Variants in PCDH11Y observed in about 807,000 individuals in gnomAD.
PCDH11Y encodes protocadherin-11 Y-linked.
For missense variants in PCDH11Y, 12 were observed against 224.8 expected, an observed-to-expected ratio of 0.05 and a Z score of 6.05; for synonymous variants, 9 against 83.6, an observed-to-expected ratio of 0.11 and a Z score of 4.87.
intron 2 of PCDH11Y, among the ~76,000 whole-genome samples, chrY:5,290,271 C>T (rs2124661826): frequency 3.1e-5 from 1 of 32,343 alleles, no homozygotes; most frequent in Admixed American, 2.8e-4. Flanking sequence ...CTATTCAAAT[C>T]TTTTGCCCAT....
exon 5 of PCDH11Y, chrY:5,737,821 C>T: frequency 2.5e-6 from 1 of 397,462 alleles, no homozygotes; most frequent in Non-Finnish European, 3.5e-6. Context: ...TACACCATGT[C>T]TGAAAGACTT....
At chrY:5,509,134 G>A in intron 3 of PCDH11Y, among the ~76,000 whole-genome samples, 2 of 32,137 alleles carry the variant, frequency 6.2e-5, no homozygotes, top group Middle Eastern at 0.014. Flanking sequence ...AGCTACTTTT[G>A]AAATTTAAAT....
At chrY:5,123,779 C>T in intron 2 of PCDH11Y, among the ~76,000 whole-genome samples, 1 of 32,853 alleles carries the variant, frequency 3.0e-5, no homozygotes, top group Non-Finnish European at 7.5e-5. Flanking sequence ...ATTATAAACA[C>T]TTCATTCCAT....
chrY:5,374,445 GTA>G (rs1194776144), intron 2 of PCDH11Y, among the ~76,000 whole-genome samples: 1,683 of 27,255 alleles, frequency 0.062, no homozygotes, highest in East Asian at 0.049. Context: ...ATATATGTGT[GTA>G]TATATATATA....
At chrY:5,224,707 G>A in intron 2 of PCDH11Y, among the ~76,000 whole-genome samples, 1 of 32,662 alleles carries the variant, frequency 3.1e-5, no homozygotes, top group Non-Finnish European at 7.5e-5. Context: ...AGTAATTAAT[G>A]AATGTTATTA....
intron 2 of PCDH11Y, among the ~76,000 whole-genome samples, chrY:5,384,594 T>TA (rs1446435526): frequency 9.0e-5 from 2 of 22,163 alleles, no homozygotes; most frequent in East Asian, 1.0e-3. Context: ...TCATTGGGAT[T>TA]AAAAAAAAAA....
At chrY:5,142,211 A>T in intron 2 of PCDH11Y, among the ~76,000 whole-genome samples, 3 of 30,930 alleles carry the variant, frequency 9.7e-5, no homozygotes, top group Admixed American at 3.0e-4. Flanking sequence ...CCACTATGAG[A>T]TATCATCTCA....
intron 2 of PCDH11Y, among the ~76,000 whole-genome samples, chrY:5,215,075 A>G: frequency 6.1e-5 from 2 of 32,719 alleles, no homozygotes; most frequent in East Asian, 1.6e-3. Context: ...TCATGGTAGG[A>G]TGAGTGATTT....
chrY:5,460,307 T>C, intron 2 of PCDH11Y, among the ~76,000 whole-genome samples: 5 of 32,819 alleles, frequency 1.5e-4, no homozygotes, highest in African/African-American at 5.9e-4. Context: ...TTCCTTGACA[T>C]TTTGAAGTAG....
intron 4 of PCDH11Y, among the ~76,000 whole-genome samples, chrY:5,588,888 G>T (rs2053458251): frequency 3.1e-5 from 1 of 32,467 alleles, no homozygotes; most frequent in African/African-American, 1.2e-4. Flanking sequence ...TATTTCACTA[G>T]GTATTGGAAG....
chrY:5,412,566 G>T, intron 2 of PCDH11Y, among the ~76,000 whole-genome samples: 1 of 33,414 alleles, frequency 3.0e-5, no homozygotes, highest in Non-Finnish European at 7.4e-5. Flanking sequence ...GTTGGCTGCG[G>T]ATATGTCATA....
intron 1 of PCDH11Y, among the ~76,000 whole-genome samples, chrY:5,068,501 A>G: frequency 3.2e-5 from 1 of 31,003 alleles, no homozygotes; most frequent in Non-Finnish European, 7.8e-5. Flanking sequence ...GTGTACAAAG[A>G]TTCATTTTGT....
intron 2 of PCDH11Y, among the ~76,000 whole-genome samples, chrY:5,407,774 GC>G (rs2053240974): frequency 3.2e-5 from 1 of 31,317 alleles, no homozygotes; most frequent in Non-Finnish European, 7.8e-5. Flanking sequence ...AAATTAGCTG[GC>G]GTGGTGGCGG....
intron 4 of PCDH11Y, among the ~76,000 whole-genome samples, chrY:5,734,446 G>T (rs2124715573): frequency 3.0e-5 from 1 of 33,296 alleles, no homozygotes; most frequent in East Asian, 8.3e-4. Flanking sequence ...TTGCCAGCTG[G>T]CCTTGAATGA....
At chrY:5,421,492 T>C in intron 2 of PCDH11Y, among the ~76,000 whole-genome samples, 3 of 31,439 alleles carry the variant, frequency 9.5e-5, no homozygotes, top group Non-Finnish European at 2.3e-4. Context: ...TGAATATTGA[T>C]GAAAAGTTCT....
At chrY:5,272,706 T>A in intron 2 of PCDH11Y, among the ~76,000 whole-genome samples, 1 of 32,669 alleles carries the variant, frequency 3.1e-5, no homozygotes, top group Admixed American at 2.9e-4. Context: ...TTAGAAGAAA[T>A]GACCAGTAGT....
At chrY:5,384,485 A>G (rs2053208968) in intron 2 of PCDH11Y, among the ~76,000 whole-genome samples, 1 of 30,743 alleles carries the variant, frequency 3.3e-5, no homozygotes, top group Non-Finnish European at 7.8e-5. Flanking sequence ...AAGGGTTATG[A>G]TACTCAGGAG....
At chrY:5,376,192 C>G in intron 2 of PCDH11Y, among the ~76,000 whole-genome samples, 2 of 31,787 alleles carry the variant, frequency 6.3e-5, no homozygotes. Flanking sequence ...GAGATGGAGT[C>G]TCGCCCTGTC....
chrY:5,134,234 C>A, intron 2 of PCDH11Y, among the ~76,000 whole-genome samples: 1 of 33,237 alleles, frequency 3.0e-5, no homozygotes, highest in East Asian at 7.9e-4. Context: ...TTTATCAGTT[C>A]AAATGGTTTT....
Sources: gnomAD v4.1 joint callset for allele counts (sites outside exome capture counted in the v4.1 genomes callset) on GRCh38, gnomAD v4.1.1 for gene constraint, MANE v1.5 for transcripts, NCBI Gene and HGNC (gene_info 2026-07-23, HGNC 2026-07-21) for gene names.